The following MRPS27 variants were observed in gnomAD, a reference collection of about 807,000 sequenced individuals.
MRPS27 encodes the protein small ribosomal subunit protein mS27.
Under a neutral mutation model 48.9 loss-of-function variants are expected in MRPS27, and 43 were observed. The observed-to-expected ratio is 0.88, with a 90% CI of 0.69 to 1.13. The LOEUF is 1.13. MRPS27 is among the 50% of genes most tolerant of loss of function. The pLI, the probability that MRPS27 is intolerant of heterozygous loss-of-function variation, is 0.00. For missense variants in MRPS27, 467 were observed against 476.3 expected (o/e 0.98, Z 0.18); for synonymous variants, 188 against 171.9 (o/e 1.09, Z -0.73).
chr5:72,223,911 G>A (rs1352630840), intron 9 of MRPS27, 61 bp from the exon 10 acceptor site: 1 of 1,559,390 alleles, frequency 6.4e-7, no homozygotes. Flanking sequence ...ACATGGTGAA[G>A]AAAGGCTAGA....
At chr5:72,256,863 T>C (rs1748823033) in intron 4 of MRPS27, among the ~76,000 whole-genome samples, 1 of 152,224 alleles carries the variant, frequency 6.6e-6, no homozygotes, top group Admixed American at 6.5e-5. Context: ...CCTTATATAT[T>C]GATCCACTGA....
rs1412033741 is a variant in MRPS27, at chr5:72,293,192, G to A, written c.281+2339C>T. ...AGCAAGAGTGAGGCACTTAGCTAAC[G>A]AGAGAACCCAGCCAATCTCCACTGT... On this transcript the variant is annotated intron_variant, in intron 4 of 10. Coordinates refer to ENST00000261413, the MANE Select transcript of MRPS27 (RefSeq NM_015084.3). 5.3e-5 allele frequency among the ~76,000 whole-genome samples: 8 copies of A among 151,952 alleles called. No homozygotes were observed. The South Asian group carries it at 1.0e-3, about 20-fold the overall frequency.
chr5:72,280,114 T>G (rs1317276824), intron 4 of MRPS27, among the ~76,000 whole-genome samples: 1 of 152,212 alleles, frequency 6.6e-6, no homozygotes, highest in African/African-American at 2.4e-5. Flanking sequence ...TCATTTGTAT[T>G]TTTTGTAGCT....
intron 4 of MRPS27, among the ~76,000 whole-genome samples, chr5:72,262,519 A>C (rs915442275): frequency 6.6e-6 from 1 of 152,216 alleles, no homozygotes; most frequent in African/African-American, 2.4e-5. Context: ...TACAAAGGTA[A>C]ATATGGCAGG....
rs117073311 is a variant in MRPS27 at position 72,261,185 on chromosome 5, C to G, written c.282-23057G>C. Among the ~76,000 whole-genome samples, 288 of 152,182 alleles carry G rather than the reference C, an allele frequency of 1.9e-3. 2 individuals are homozygous for G. The highest frequency in any genetic ancestry group is 0.01 in the East Asian group (52 of 5,176). On this transcript the variant is annotated intron_variant, in intron 4 of 10. Coordinates refer to ENST00000261413, the MANE Select transcript of MRPS27 (RefSeq NM_015084.3). Reference sequence around the variant, plus strand: ...GCCAATCACTACATTTAAATGGAACCTTTTACGTTCTCTTGAAAGTTGCTA... The same window carrying G: ...GCCAATCACTACATTTAAATGGAACGTTTTACGTTCTCTTGAAAGTTGCTA...
chr5:72,272,979 A>C (rs1749285305), intron 4 of MRPS27, among the ~76,000 whole-genome samples: 1 of 152,248 alleles, frequency 6.6e-6, no homozygotes, highest in South Asian at 2.1e-4. Flanking sequence ...CTATAATAAA[A>C]ATAAGGCAAA....
chr5:72,233,944 T>C (rs1330947810), intron 6 of MRPS27, among the ~76,000 whole-genome samples, 175 bp downstream of exon 6: 4 of 152,136 alleles, frequency 2.6e-5, no homozygotes, highest in Non-Finnish European at 5.9e-5. Flanking sequence ...TATCTTAAAA[T>C]AAAAATAATG....
chr5:72,307,741 C>A (rs1306225855), intron 2 of MRPS27, among the ~76,000 whole-genome samples: 3 of 152,002 alleles, frequency 2.0e-5, no homozygotes, highest in African/African-American at 7.3e-5. Context: ...AAGTGGGGGC[C>A]GCAATAAGGG....
At chr5:72,290,407 T>C (rs1256615719) in intron 4 of MRPS27, among the ~76,000 whole-genome samples, 2 of 152,224 alleles carry the variant, frequency 1.3e-5, no homozygotes, top group Non-Finnish European at 2.9e-5. Flanking sequence ...TGCCTTAGTT[T>C]CCTATAAAGA....
rs781048180 is a variant in MRPS27, at chr5:72,228,256, T to C, written c.694+10A>G. 12 of 1,588,912 alleles carry C rather than the reference T, an allele frequency of 7.6e-6. No homozygotes were observed. The highest frequency in any genetic ancestry group is 1.7e-4 in the Middle Eastern group (1 of 6,052). On this transcript the variant is annotated intron_variant, in intron 8 of 10. Transcript: ENST00000261413. ...TGAAGAACAGTATTTGTAAGGATCA[T>C]TTAGCTTACCAAGAAGTGCATAGCC...
chr5:72,228,342 T>C lies in MRPS27; in HGVS notation c.618A>G (p.Ala206=). The C allele has an allele frequency of 1.2e-6, 2 of 1,613,316 alleles. No individual in the cohort carries two copies. The highest frequency in any genetic ancestry group is 1.7e-4 in the Middle Eastern group (1 of 6,048). The part of the protein sequence containing the change: ...FSWEEERNFG[A]SLLLPGLKQK... ...GTTTTAGGCCTGGAAGCAAAAGGGA[T>C]GCACCAAAGTTCCTCTCCTCTTCCC... The change falls in exon 8 of 11, where the codon GCA becomes GCG. Residue 206 remains alanine, a synonymous_variant. Transcript: ENST00000261413.
chr5:72,270,416 T>A lies in MRPS27; in HGVS notation c.281+25115A>T, dbSNP rs7709590. Among the ~76,000 whole-genome samples the A allele has an allele frequency of 3.7e-3, 568 of 151,910 alleles. 1 individual carries two copies. Among genetic ancestry groups the A allele is most frequent in the African/African-American group, 0.013 (551 of 41,514 alleles). On this transcript the variant is annotated intron_variant, in intron 4 of 10. Transcript: ENST00000261413. ...AATGACTCTTAAGCACATAAGAATA[T>A]GCTTGTGAATTTATGAATTAGTTGA...
intron 5 of MRPS27, 48 bp downstream of exon 5, chr5:72,237,966 A>G: frequency 1.5e-6 from 2 of 1,333,700 alleles, no homozygotes; most frequent in Non-Finnish European, 2.2e-6. Context: ...CAAACACCAT[A>G]TCACCTAAAC....
intron 4 of MRPS27, among the ~76,000 whole-genome samples, chr5:72,267,679 T>C (rs79430001): frequency 2.3e-3 from 345 of 152,280 alleles, no homozygotes; most frequent in African/African-American, 8.0e-3. Flanking sequence ...CCTCAAAAAG[T>C]ACACCTTAGT....
intron 1 of MRPS27, 80 bp downstream of exon 1, chr5:72,320,069 T>A: frequency 6.9e-7 from 1 of 1,452,018 alleles, no homozygotes; most frequent in Non-Finnish European, 9.7e-7. Context: ...CAGAAACGTT[T>A]CCTCTCCTCT....
chr5:72,244,269 T>G (rs903150172), intron 4 of MRPS27, among the ~76,000 whole-genome samples: 1 of 152,160 alleles, frequency 6.6e-6, no homozygotes, highest in African/African-American at 2.4e-5. Flanking sequence ...TGTGGAGTGC[T>G]AAATAAATGC....
At chr5:72,316,912 C>A (rs1178604932) in intron 1 of MRPS27, among the ~76,000 whole-genome samples, 1 of 151,348 alleles carries the variant, frequency 6.6e-6, no homozygotes, top group Non-Finnish European at 1.5e-5. Flanking sequence ...GCCTGTAATC[C>A]CAGGTACTTG....
intron 5 of MRPS27, 84 bp from the exon 6 acceptor site, chr5:72,234,281 T>G: frequency 8.8e-7 from 1 of 1,132,438 alleles, no homozygotes; most frequent in Non-Finnish European, 1.1e-6. Context: ...TTATTCAGAA[T>G]AAAACTTGCC....
intron 4 of MRPS27, among the ~76,000 whole-genome samples, chr5:72,261,784 C>T (rs1748985181): frequency 6.6e-6 from 1 of 152,152 alleles, no homozygotes; most frequent in African/African-American, 2.4e-5. Context: ...CTGTCAATTG[C>T]CCATTACCCC....
Sources: allele counts gnomAD v4.1 joint callset (sites outside exome capture counted in the v4.1 genomes callset), GRCh38; gene constraint gnomAD v4.1.1; transcripts MANE v1.5; gene names NCBI Gene and HGNC (gene_info 2026-07-23, HGNC 2026-07-21).